Variants in JPH3 observed in about 807,000 individuals in gnomAD.
JPH3 encodes junctophilin 3, also known as junctophilin-3.
JPH3 carries 11 observed loss-of-function variants against 59.6 expected under a neutral mutation model. That is an observed-to-expected ratio of 0.18 (90% CI 0.12 to 0.31). JPH3 has a LOEUF of 0.31. Ranked by LOEUF, JPH3 falls within the 10% of genes least tolerant of loss-of-function variation. The probability of loss-of-function intolerance (pLI) is 1.00; values close to 1 mark genes in which losing one functional copy is unlikely to be tolerated. For missense variants in JPH3, 1,202 were observed against 1,105.7 expected, an observed-to-expected ratio of 1.09 and a Z score of -1.24; for synonymous variants, 673 against 483.6, an observed-to-expected ratio of 1.39 and a Z score of -5.14.
chr16:87,674,054 G>A (rs1274885654), intron 2 of JPH3, among the ~76,000 whole-genome samples: 1 of 151,308 alleles, frequency 6.6e-6, no homozygotes, highest in Admixed American at 6.6e-5. Flanking sequence ...ACAAAAACAG[G>A]CCAGGCGCAG....
In JPH3 at chr16:87,689,995, T is replaced by C. The variant is rs758161832; in HGVS notation, c.1635T>C (p.Gly545=). The C allele has an allele frequency of 6.7e-7, 1 of 1,493,930 alleles. No individual in the cohort carries two copies. The highest frequency in any genetic ancestry group is 2.3e-5 in the Admixed American group (1 of 43,886). The allele number at this position is 1,493,930 out of a possible 1,614,324, so 92.5% of individuals were successfully genotyped here. A position where few individuals can be genotyped will look rare whatever the true frequency, so the allele number is the denominator to read the frequency against. ...GGGGCTCCAGGGGTGTCCGCAGCGG[T>C]GCCCTGCGCGGCGGCCTGCTCGTGG... ...QAGGSRGVRS[G]ALRGGLLVDD... The change falls in exon 4 of 5, where the codon GGT becomes GGC. Residue 545 remains glycine (G), a synonymous_variant. Transcript: ENST00000284262.
At chr16:87,692,501 C>T (rs913538800) in intron 4 of JPH3, among the ~76,000 whole-genome samples, 2 of 152,224 alleles carry the variant, frequency 1.3e-5, no homozygotes, top group African/African-American at 4.8e-5. Flanking sequence ...CTGGCCATCC[C>T]CCTCCACCAT....
chr16:87,658,759 C>T (rs553262268), intron 2 of JPH3, among the ~76,000 whole-genome samples: 7 of 152,342 alleles, frequency 4.6e-5, no homozygotes, highest in Non-Finnish European at 1.0e-4. Flanking sequence ...GCCCCTCTCT[C>T]CTCCAGCCAC....
intron 1 of JPH3, chr16:87,604,123 C>G: frequency 1.5e-6 from 2 of 1,340,182 alleles, no homozygotes; most frequent in Admixed American, 2.3e-5. Flanking sequence ...TCGAAGCAGG[C>G]TGCTGGAGGG....
chr16:87,637,443 T>A (rs2031793423), intron 1 of JPH3, among the ~76,000 whole-genome samples: 1 of 150,894 alleles, frequency 6.6e-6, no homozygotes, highest in Non-Finnish European at 1.5e-5. Context: ...TGTGTGTGTG[T>A]TTTAAATGAA....
At chr16:87,627,262 C>T (rs928778519) in intron 1 of JPH3, among the ~76,000 whole-genome samples, 2 of 152,236 alleles carry the variant, frequency 1.3e-5, no homozygotes, top group Non-Finnish European at 2.9e-5. Context: ...GTTCCTGATG[C>T]AGCTGTTGGG....
intron 1 of JPH3, among the ~76,000 whole-genome samples, chr16:87,608,626 G>T (rs1243119369): frequency 6.6e-6 from 1 of 152,196 alleles, no homozygotes; most frequent in Non-Finnish European, 1.5e-5. Flanking sequence ...TGCCTGCCTG[G>T]GTTGGGTGGA....
At chr16:87,684,346 C>T (rs536738302) in intron 3 of JPH3, 80 bp downstream of exon 3, 2 of 1,556,750 alleles carry the variant, frequency 1.3e-6, no homozygotes, top group East Asian at 2.4e-5. Flanking sequence ...GCAGATGTGT[C>T]CTCCAGAGCG....
At chr16:87,692,240 G>C (rs954849479) in intron 4 of JPH3, among the ~76,000 whole-genome samples, 3 of 122,702 alleles carry the variant, frequency 2.4e-5, no homozygotes, top group East Asian at 2.4e-4. Context: ...CACAGCTTTG[G>C]AGCTGTGTTT....
Position 87,668,898 on chromosome 16 carries a change from G to A in JPH3, c.1161-15244G>A, listed in dbSNP as rs528689921. Among the ~76,000 whole-genome samples the A allele has an allele frequency of 3.7e-5, 5 of 134,936 alleles. No individual in the cohort carries two copies. The South Asian group carries it at 1.2e-3, about 31-fold the overall frequency. The allele number at this position is 134,936 out of a possible 152,430, so 88.5% of individuals were successfully genotyped here. ...AGCTCCCACCCCCTCCGGCTGTCCC[G>A]GAGGCCGTGCTCCGTGGATCTCCTC... On this transcript the variant is annotated intron_variant, in intron 2 of 4. Coordinates refer to ENST00000284262, the MANE Select transcript of JPH3 (RefSeq NM_020655.4).
At chr16:87,689,495 CCA>C (rs2033502845) in intron 3 of JPH3, 149 bp from the exon 4 acceptor site, 7 of 798,428 alleles carry the variant, frequency 8.8e-6, no homozygotes, top group South Asian at 8.7e-5. Context: ...GCCACGGTCC[CCA>C]CTCCCCTCCC....
intron 4 of JPH3, among the ~76,000 whole-genome samples, chr16:87,690,738 G>T (rs9924287): frequency 2.0e-5 from 3 of 152,216 alleles, no homozygotes; most frequent in South Asian, 4.1e-4. Flanking sequence ...ACCTCTTTCC[G>T]TGAGAGGCTG....
intron 1 of JPH3, among the ~76,000 whole-genome samples, chr16:87,639,144 C>T (rs781080798): frequency 3.9e-5 from 6 of 152,184 alleles, no homozygotes; most frequent in East Asian, 1.9e-4. Flanking sequence ...TAATAGTTAC[C>T]ATCAATCGAG....
chr16:87,660,906 CT>C (rs1450854846), intron 2 of JPH3, among the ~76,000 whole-genome samples: 3 of 152,370 alleles, frequency 2.0e-5, no homozygotes, highest in Non-Finnish European at 2.9e-5. Flanking sequence ...GTTTTCTCAT[CT>C]GTCCAGTGGA....
intron 1 of JPH3, among the ~76,000 whole-genome samples, chr16:87,610,039 C>T (rs1296810400): frequency 2.0e-5 from 3 of 152,178 alleles, no homozygotes; most frequent in Non-Finnish European, 2.9e-5. Flanking sequence ...GACAGATCAT[C>T]GGACATTAGA....
intron 2 of JPH3, among the ~76,000 whole-genome samples, chr16:87,672,629 T>C (rs2033046658): frequency 6.6e-6 from 1 of 152,252 alleles, no homozygotes; most frequent in Non-Finnish European, 1.5e-5. Context: ...CAGTGAAGGC[T>C]CTGATTGGTG....
intron 2 of JPH3, among the ~76,000 whole-genome samples, chr16:87,660,174 G>A (rs1303374182): frequency 1.3e-5 from 2 of 152,184 alleles, no homozygotes; most frequent in African/African-American, 4.8e-5. Context: ...CAGTGCACAG[G>A]GACTAGCTGT....
At chr16:87,684,088 C>A in intron 2 of JPH3, 54 bp from the exon 3 acceptor site, 1 of 1,404,682 alleles carries the variant, frequency 7.1e-7, no homozygotes, top group Admixed American at 1.7e-5. Flanking sequence ...TCAACCCAGA[C>A]CCCTGTCACC....
At chr16:87,643,645 G>C (rs558188863) in intron 1 of JPH3, among the ~76,000 whole-genome samples, 1 of 152,278 alleles carries the variant, frequency 6.6e-6, no homozygotes, top group East Asian at 1.9e-4. Flanking sequence ...CAGGGGCTCC[G>C]TATTCACTCT....
Sources: gnomAD v4.1 joint callset for allele counts (sites outside exome capture counted in the v4.1 genomes callset) on GRCh38, gnomAD v4.1.1 for gene constraint, MANE v1.5 for transcripts, NCBI Gene and HGNC (gene_info 2026-07-23, HGNC 2026-07-21) for gene names.